CYTH1: variants seen among roughly 807,000 people sequenced by gnomAD.
CYTH1 encodes the protein cytohesin 1.
In CYTH1, 18 loss-of-function variants were observed where a neutral mutation model predicts 61.8. The observed-to-expected ratio is 0.29, with a 90% confidence interval of 0.20 to 0.43. The LOEUF is 0.43. CYTH1 is among the 20% of genes least tolerant of loss of function. The pLI, the probability that CYTH1 is intolerant of heterozygous loss-of-function variation, is 1.00. For synonymous variants in CYTH1, 174 were observed against 184.3 expected (o/e 0.94, Z 0.45); for missense variants, 336 against 510.5 (o/e 0.66, Z 3.29).
chr17:78,681,440 C>T (rs753063883), intron 11 of CYTH1, among the ~76,000 whole-genome samples: 6 of 152,160 alleles, frequency 3.9e-5, no homozygotes, highest in Admixed American at 2.0e-4. Flanking sequence ...CCTAGCGCCC[C>T]GATGCCTGGG....
rs1801518907 is a variant in CYTH1 at position 78,680,973 on chromosome 17, G to A, written c.961C>T (p.Pro321Ser). Reference protein sequence around the residue: ...SIREVEDSKKPNCFELYIPDN... With the variant: ...SIREVEDSKKSNCFELYIPDN... ...AATATCTCAGCAAAAATACTCACTG[G>A]TTTTTTGGAGTCCTCCACTTCCCGG... The change falls in exon 12 of 14, where the codon CCA (proline) becomes TCA (serine). Residue 321 changes from proline (P) to serine (S), a missense_variant and splice_region_variant. By Grantham distance (74) the Pro-to-Ser change is moderately conservative (BLOSUM62 -1). Transcript: ENST00000446868. The A allele has an allele frequency of 6.2e-7, 1 of 1,613,944 alleles. No individual in the cohort carries two copies. Among genetic ancestry groups the A allele is most frequent in the Non-Finnish European group, 8.5e-7 (1 of 1,179,916 alleles).
chr17:78,707,062 C>T (rs1367419413), intron 3 of CYTH1, among the ~76,000 whole-genome samples: 2 of 152,096 alleles, frequency 1.3e-5, no homozygotes, highest in Non-Finnish European at 2.9e-5. Context: ...CCAACGTATC[C>T]GTTTCATTTA....
chr17:78,756,179 G>A (rs1366659825), intron 1 of CYTH1, among the ~76,000 whole-genome samples: 2 of 150,996 alleles, frequency 1.3e-5, no homozygotes, highest in African/African-American at 2.4e-5. Context: ...GGGTTCAAGC[G>A]ATTCTTGTGC....
At chr17:78,767,410 T>C (rs545796886) in intron 1 of CYTH1, among the ~76,000 whole-genome samples, 1 of 152,260 alleles carries the variant, frequency 6.6e-6, no homozygotes, top group Admixed American at 6.5e-5. Context: ...CCATAGCAAA[T>C]TTCCACGTGA....
chr17:78,701,509 A>G (rs557974138), intron 6 of CYTH1, among the ~76,000 whole-genome samples, 162 bp downstream of exon 6: 1 of 152,360 alleles, frequency 6.6e-6, no homozygotes, highest in Non-Finnish European at 1.5e-5. Context: ...CCATCCAGTC[A>G]TTCCCAGTCA....
chr17:78,718,809 T>A (rs1250834883), intron 1 of CYTH1, among the ~76,000 whole-genome samples: 1 of 152,220 alleles, frequency 6.6e-6, no homozygotes, highest in Non-Finnish European at 1.5e-5. Context: ...ATGGAAAAGA[T>A]AAAGCTGTGA....
At chr17:78,703,176 G>A (rs2093030691) in intron 3 of CYTH1, among the ~76,000 whole-genome samples, 1 of 151,886 alleles carries the variant, frequency 6.6e-6, no homozygotes, top group South Asian at 2.1e-4. Flanking sequence ...CACTTTGGGA[G>A]GCCGAGGTGG....
chr17:78,732,627 T>C (rs1390040497), intron 1 of CYTH1, among the ~76,000 whole-genome samples: 3 of 152,136 alleles, frequency 2.0e-5, no homozygotes, highest in Non-Finnish European at 2.9e-5. Flanking sequence ...AAAATAAAGA[T>C]GTAACCATTT....
intron 1 of CYTH1, among the ~76,000 whole-genome samples, chr17:78,746,299 C>CA (rs35374197): frequency 0.066 from 10,086 of 151,932 alleles, 622 homozygotes; most frequent in East Asian, 0.18. Flanking sequence ...TCAACTCCTC[C>CA]AAAAAAATAT....
intron 1 of CYTH1, among the ~76,000 whole-genome samples, chr17:78,748,980 T>A (rs2093369373): frequency 6.6e-6 from 1 of 152,118 alleles, no homozygotes; most frequent in Admixed American, 6.5e-5. Context: ...GACGGAACCA[T>A]CACATGACAG....
intron 11 of CYTH1, among the ~76,000 whole-genome samples, chr17:78,689,915 G>A (rs2092860782): frequency 6.6e-6 from 1 of 151,928 alleles, no homozygotes; most frequent in Admixed American, 6.6e-5. Context: ...TGGGCCGTGA[G>A]GTAGAAACCC....
chr17:78,718,471 A>T (rs1466281836), intron 1 of CYTH1, among the ~76,000 whole-genome samples: 1 of 152,192 alleles, frequency 6.6e-6, no homozygotes, highest in Non-Finnish European at 1.5e-5. Context: ...TACAGTGATC[A>T]TGGCGTGAGG....
Position 78,723,036 on chromosome 17 carries a change from T to A in CYTH1, c.23-13304A>T, listed in dbSNP as rs114208072. Among the ~76,000 whole-genome samples the A allele has an allele frequency of 3.1e-3, 479 of 152,224 alleles. 1 individual carries two copies. The highest frequency in any genetic ancestry group is 0.011 in the African/African-American group (440 of 41,526). ...CCTGGATACCTATCCAAAAGTGTAG[T>A]GGAAAAACCTTCAGAGGAGAGCATA... On this transcript the variant is annotated intron_variant, in intron 1 of 13. Coordinates refer to ENST00000446868, the MANE Select transcript of CYTH1 (RefSeq NM_004762.6).
At chr17:78,727,612 C>T (rs552383265) in intron 1 of CYTH1, 104 of 460,396 alleles carry the variant, frequency 2.3e-4, no homozygotes, top group Middle Eastern at 1.3e-3. Context: ...ACCAGCCTTC[C>T]AAGTCGCGGG....
At position 78,675,263 on chromosome 17, in the gene CYTH1, G is replaced by GT. The variant is rs1305363156; in HGVS notation, c.*827dup. 4 of 152,356 alleles carry GT rather than the reference G, an allele frequency of 2.6e-5. No homozygotes were observed. Among genetic ancestry groups the GT allele is most frequent in the East Asian group, 3.9e-4 (2 of 5,190 alleles). The allele number at this position is 152,356 out of a possible 1,614,324, so 9.4% of individuals were successfully genotyped here. A position where few individuals can be genotyped will look rare whatever the true frequency, so the allele number is the denominator to read the frequency against. On this transcript the variant is annotated 3_prime_UTR_variant, in exon 14 of 14. Transcript: ENST00000446868. ...TTGGATTCTGAAGGAGGAAAATAAC[G>GT]TAAGCGTCCAGTCAGCTCTCTCCTC...
chr17:78,718,265 ACACG>A (rs1318914795), intron 1 of CYTH1, among the ~76,000 whole-genome samples: 9 of 138,466 alleles, frequency 6.5e-5, no homozygotes, highest in Non-Finnish European at 1.3e-4. Flanking sequence ...ACACACACAC[ACACG>A]CTCCTTCTCT....
intron 11 of CYTH1, among the ~76,000 whole-genome samples, chr17:78,690,390 T>A (rs1456915746): frequency 5.2e-5 from 1 of 19,328 alleles, no homozygotes; most frequent in East Asian, 1.8e-3. Context: ...CGAGACTCCA[T>A]CTCAAAAAAA....
In CYTH1 at chr17:78,762,363, G is replaced by A. The variant is rs75208834; in HGVS notation, c.22+19839C>T. Among the ~76,000 whole-genome samples, 779 of 152,202 alleles carry A rather than the reference G, an allele frequency of 5.1e-3. 19 individuals are homozygous for A. The East Asian group carries it at 0.085, about 17-fold the overall frequency. On this transcript the variant is annotated intron_variant, in intron 1 of 13. Coordinates refer to ENST00000446868, the MANE Select transcript of CYTH1 (RefSeq NM_004762.6). ...TCTTCTAAAACTAGAAATGCTTCAC[G>A]AAGTCAGACAAAGTCTACAAAGTAC...
chr17:78,729,439 A>G (rs1199079777), intron 1 of CYTH1, among the ~76,000 whole-genome samples: 1 of 152,230 alleles, frequency 6.6e-6, no homozygotes, highest in Non-Finnish European at 1.5e-5. Context: ...TAAAACATGA[A>G]TAACATACCA....
Sources: gnomAD v4.1 joint callset for allele counts (sites outside exome capture counted in the v4.1 genomes callset) on GRCh38, gnomAD v4.1.1 for gene constraint, MANE v1.5 for transcripts, NCBI Gene and HGNC (gene_info 2026-07-23, HGNC 2026-07-21) for gene names.